The following PRKCE variants were observed in gnomAD, a reference collection of about 807,000 sequenced individuals.
PRKCE encodes the protein protein kinase C epsilon.
Under a neutral mutation model 85.4 loss-of-function variants are expected in PRKCE, and 16 were observed. That is an observed-to-expected ratio of 0.19 (90% CI 0.13 to 0.28). PRKCE has a LOEUF of 0.28. Among genes scored for constraint, PRKCE ranks in the 10% least tolerant of loss-of-function variants. The pLI is 1.00. For synonymous variants in PRKCE, 388 were observed against 371.5 expected (o/e 1.04, Z -0.51); for missense variants, 573 against 975.2 (o/e 0.59, Z 5.49).
chr2:45,831,548 T>C (rs78825415), intron 1 of PRKCE, among the ~76,000 whole-genome samples: 78 of 152,288 alleles, frequency 5.1e-4, no homozygotes, highest in African/African-American at 1.8e-3. Context: ...TTTGTAGTTG[T>C]AGAGAACAGA....
chr2:46,090,837 G>C (rs1178114503), intron 11 of PRKCE, among the ~76,000 whole-genome samples: 1 of 152,162 alleles, frequency 6.6e-6, no homozygotes, highest in Non-Finnish European at 1.5e-5. Context: ...TTCTGATCCA[G>C]GCAGAGACCA....
chr2:45,737,744 A>G (rs1682202355), intron 1 of PRKCE, among the ~76,000 whole-genome samples: 1 of 151,858 alleles, frequency 6.6e-6, no homozygotes, highest in African/African-American at 2.4e-5. Context: ...CTCTGTCCAC[A>G]GAGCTTGTCT....
intron 1 of PRKCE, among the ~76,000 whole-genome samples, chr2:45,794,852 C>CCCG (rs1687305307): frequency 6.6e-6 from 1 of 151,366 alleles, no homozygotes; most frequent in Non-Finnish European, 1.5e-5. Context: ...CCTACCCCCC[C>CCCG]CCCCATCCAC....
intron 11 of PRKCE, among the ~76,000 whole-genome samples, chr2:46,107,919 G>A (rs1671887185): frequency 6.6e-6 from 1 of 152,014 alleles, no homozygotes; most frequent in East Asian, 1.9e-4. Flanking sequence ...TCTTATTGTT[G>A]AGGGTTTTGT....
intron 2 of PRKCE, among the ~76,000 whole-genome samples, chr2:45,969,072 T>C (rs932402899): frequency 1.1e-5 from 1 of 94,678 alleles, no homozygotes. Flanking sequence ...TAAAACCTTC[T>C]GGAGTTTGAA....
At chr2:46,124,646 G>T (rs1429432891) in intron 11 of PRKCE, among the ~76,000 whole-genome samples, 1 of 152,098 alleles carries the variant, frequency 6.6e-6, no homozygotes, top group African/African-American at 2.4e-5. Context: ...ACACTTGTGG[G>T]CAGAGGAAAG....
intron 11 of PRKCE, among the ~76,000 whole-genome samples, chr2:46,091,080 C>G (rs1670119812): frequency 6.6e-6 from 1 of 151,500 alleles, no homozygotes; most frequent in Non-Finnish European, 1.5e-5. Flanking sequence ...CCTCTGGTTT[C>G]TTTTCCCCCT....
intron 2 of PRKCE, among the ~76,000 whole-genome samples, chr2:45,904,783 G>A (rs551060270): frequency 1.3e-5 from 2 of 152,266 alleles, no homozygotes; most frequent in African/African-American, 2.4e-5. Context: ...CTGTCTCCCC[G>A]CTGCCCCAGA....
intron 10 of PRKCE, among the ~76,000 whole-genome samples, chr2:46,024,552 T>A (rs1706950571): frequency 1.3e-5 from 2 of 152,128 alleles, no homozygotes; most frequent in Non-Finnish European, 2.9e-5. Context: ...AACACTTGTG[T>A]GCGGGTTGCT....
At chr2:45,756,497 T>A (rs1318457189) in intron 1 of PRKCE, among the ~76,000 whole-genome samples, 2 of 152,206 alleles carry the variant, frequency 1.3e-5, no homozygotes, top group Non-Finnish European at 2.9e-5. Flanking sequence ...AGGCCTTAAT[T>A]CAAGATAAAT....
At chr2:45,800,331 C>T (rs957818103) in intron 1 of PRKCE, among the ~76,000 whole-genome samples, 2 of 151,754 alleles carry the variant, frequency 1.3e-5, no homozygotes, top group Non-Finnish European at 2.9e-5. Flanking sequence ...GTCACACTGC[C>T]CAGGCAGCAG....
intron 11 of PRKCE, among the ~76,000 whole-genome samples, chr2:46,095,645 C>G (rs1254141848): frequency 6.6e-6 from 1 of 152,186 alleles, no homozygotes; most frequent in Non-Finnish European, 1.5e-5. Flanking sequence ...TTGACCTTCC[C>G]CATTGCTGGT....
intron 2 of PRKCE, among the ~76,000 whole-genome samples, chr2:45,922,586 C>A (rs1698329397): frequency 6.6e-6 from 1 of 152,222 alleles, no homozygotes; most frequent in Admixed American, 6.5e-5. Context: ...AACCCTTCCC[C>A]CCAGGCTGTC....
chr2:45,827,999 A>G (rs2345182), intron 1 of PRKCE, among the ~76,000 whole-genome samples: 95,428 of 152,082 alleles, frequency 0.63, 31,134 homozygotes, highest in African/African-American at 0.81. Context: ...ATATTCCAGC[A>G]GATTCCTGTA....
chr2:45,846,862 G>T (rs924738643), intron 2 of PRKCE, among the ~76,000 whole-genome samples: 1 of 152,210 alleles, frequency 6.6e-6, no homozygotes. Flanking sequence ...CAGTGCCCTC[G>T]CATGTAAGAG....
intron 2 of PRKCE, among the ~76,000 whole-genome samples, chr2:45,924,379 A>G (rs1359493953): frequency 6.6e-6 from 1 of 152,212 alleles, no homozygotes; most frequent in Non-Finnish European, 1.5e-5. Context: ...TGAATAGGAA[A>G]ATGAAGGATG....
In PRKCE at chr2:45,790,888, C is replaced by T. The variant is rs141703624; in HGVS notation, c.349-52112C>T. 2.6e-3 allele frequency among the ~76,000 whole-genome samples: 402 copies of T among 152,246 alleles called. 1 individual carries two copies. The highest frequency in any genetic ancestry group is 4.8e-3 in the Non-Finnish European group (329 of 68,026). ...TGATGATGGTGCTGGTGGTGGTAAGCGGGGAATGTGGTGGCACAACTATCA... is the reference window on the plus strand; with the variant it reads ...TGATGATGGTGCTGGTGGTGGTAAGTGGGGAATGTGGTGGCACAACTATCA... On this transcript the variant is annotated intron_variant, in intron 1 of 14. Transcript: ENST00000306156.
At position 45,702,155 on chromosome 2, in the gene PRKCE, C is replaced by G. The variant is rs541689622; in HGVS notation, c.348+49707C>G. On this transcript the variant is annotated intron_variant, in intron 1 of 14. Coordinates refer to ENST00000306156, the MANE Select transcript of PRKCE (RefSeq NM_005400.3). ...AGTGAGCTGAGATCGCACCACTGCA[C>G]TCCAGCCTGGGTGACAGAGCGAGAC... 2.6e-5 allele frequency among the ~76,000 whole-genome samples: 4 copies of G among 152,258 alleles called. No individual in the cohort carries two copies. The East Asian group carries it at 7.7e-4, about 29-fold the overall frequency.
At position 46,093,530 on chromosome 2, in the gene PRKCE, C is replaced by CT. The variant is rs56905063; in HGVS notation, c.1592+7184dup. Among the ~76,000 whole-genome samples the CT allele has an allele frequency of 2.3e-3, 303 of 131,466 alleles. 4 individuals carry two copies. Among genetic ancestry groups the CT allele is most frequent in the African/African-American group, 6.6e-3 (230 of 34,866 alleles). The allele number at this position is 131,466 out of a possible 152,430, so 86.2% of individuals were successfully genotyped here. A position where few individuals can be genotyped will look rare whatever the true frequency, so the allele number is the denominator to read the frequency against. The stretch of plus-strand genomic sequence containing the variant: ...AATAACATTATCTTATTGTACTTTT[C>CT]TTTTTTTTTTTTTTTTGAGATAGGG... On this transcript the variant is annotated intron_variant, in intron 11 of 14. Coordinates refer to ENST00000306156, the MANE Select transcript of PRKCE (RefSeq NM_005400.3).
Sources: gnomAD v4.1 joint callset for allele counts (sites outside exome capture counted in the v4.1 genomes callset) on GRCh38, gnomAD v4.1.1 for gene constraint, MANE v1.5 for transcripts, NCBI Gene and HGNC (gene_info 2026-07-23, HGNC 2026-07-21) for gene names.